SH3RF2: variants seen among roughly 807,000 people sequenced by gnomAD.
SH3RF2 encodes E3 ubiquitin-protein ligase SH3RF2.
In SH3RF2, 43 loss-of-function variants were observed where a neutral mutation model predicts 59.0. That is an observed-to-expected ratio of 0.73 (90% CI 0.57 to 0.94). SH3RF2 has a LOEUF of 0.94. Ranked by LOEUF, SH3RF2 falls within the 40% of genes least tolerant of loss-of-function variation. The pLI, the probability that SH3RF2 is intolerant of heterozygous loss-of-function variation, is 0.00. For synonymous variants in SH3RF2, 391 were observed against 391.5 expected (o/e 1.00, Z 0.01); for missense variants, 930 against 940.1 (o/e 0.99, Z 0.14).
In SH3RF2 at chr5:146,049,197, C is replaced by CCGGG. The variant is rs769137101; in HGVS notation, c.1277_1280dup (p.Val428AlafsTer19). The CCGGG allele has an allele frequency of 2.5e-6, 4 of 1,613,768 alleles. No homozygotes were observed. Among genetic ancestry groups the CCGGG allele is most frequent in the African/African-American group, 2.7e-5 (2 of 74,884 alleles). The stretch of plus-strand genomic sequence containing the variant: ...TGGCTCAGGGGCGTCTCCTTGGTCA[C>CCGGG]CGGGCGAGTCGGCATCTTCCCAAAC... On this transcript the variant is annotated frameshift_variant, in exon 7 of 10. Coordinates refer to ENST00000359120, the MANE Select transcript of SH3RF2 (RefSeq NM_152550.4). LOFTEE classifies it high-confidence loss of function.
chr5:145,997,062 G>A lies in SH3RF2; in HGVS notation c.379-2996G>A, dbSNP rs966585813. 7.2e-5 allele frequency among the ~76,000 whole-genome samples: 11 copies of A among 152,316 alleles called. 1 individual carries two copies. The East Asian group carries it at 1.5e-3, about 21-fold the overall frequency. On this transcript the variant is annotated intron_variant, in intron 2 of 9. Coordinates refer to ENST00000359120, the MANE Select transcript of SH3RF2 (RefSeq NM_152550.4). ...ACATGGCGGTCATCAGGGTTCAGGT[G>A]TACATGTGAAGGTTTGTTACACAGG...
In SH3RF2 at chr5:146,062,988, A is replaced by T. The variant is rs1489655680; in HGVS notation, c.*287A>T. ...GTGCCCACTTTATGCCCCAGCATGGAGTATGTGGCCTCTTGTCATCCCCGT... is the reference window on the plus strand; with the variant it reads ...GTGCCCACTTTATGCCCCAGCATGGTGTATGTGGCCTCTTGTCATCCCCGT... On this transcript the variant is annotated 3_prime_UTR_variant, in exon 10 of 10. Transcript: ENST00000359120. 7 of 446,820 alleles carry T rather than the reference A, an allele frequency of 1.6e-5. No individual in the cohort carries two copies. The highest frequency in any genetic ancestry group is 2.4e-5 in the Non-Finnish European group (6 of 247,974). 27.7% of individuals were successfully genotyped at this position (446,820 alleles called of 1,614,324 possible).
Position 146,056,024 on chromosome 5 carries a change from A to G in SH3RF2, c.1366A>G (p.Thr456Ala), listed in dbSNP as rs751030800. The change falls in exon 8 of 10, where the codon ACC (threonine) becomes GCC (alanine). Residue 456 changes from threonine to alanine, a missense_variant. Transcript: ENST00000359120. ...FPDSRSPGLY[T>A]TWTLSTSSVS... ...AGACTCCCGGAGCCCTGGTCTCTAC[A>G]CCACATGGACGTTATCCACCTCCTC... 8 of 1,614,084 alleles carry G rather than the reference A, an allele frequency of 5.0e-6. No homozygotes were observed. The highest frequency in any genetic ancestry group is 6.8e-6 in the Non-Finnish European group (8 of 1,180,054).
intron 5 of SH3RF2, among the ~76,000 whole-genome samples, chr5:146,020,117 G>T (rs1761258561): frequency 6.6e-6 from 1 of 152,092 alleles, no homozygotes; most frequent in Non-Finnish European, 1.5e-5. Flanking sequence ...GACTGTGCTG[G>T]CTAGGAATTC....
At position 146,077,169 on chromosome 5, in the gene SH3RF2, G is replaced by A. The variant is rs571122110; in HGVS notation, c.*34-1291G>A. On this transcript the variant is annotated intron_variant, in intron 9 of 9. Coordinates refer to the SH3RF2 transcript ENST00000511217. ...GTCATAAAGATCGAACTTCTGTTAT[G>A]TGCAATCAAACCACCTGCCCTCCCC... Among the ~76,000 whole-genome samples, 3 of 152,248 alleles carry A rather than the reference G, an allele frequency of 2.0e-5. No individual in the cohort carries two copies. In the South Asian group the frequency reaches 6.2e-4, roughly 32 times the overall value.
chr5:146,067,790 C>T (rs1370165483), downstream of SH3RF2, among the ~76,000 whole-genome samples: 1 of 144,052 alleles, frequency 6.9e-6, no homozygotes. Flanking sequence ...CCCACACCCA[C>T]ACCCCGGTCC....
chr5:145,991,589 G>A (rs958065827), intron 2 of SH3RF2, among the ~76,000 whole-genome samples: 6 of 151,992 alleles, frequency 3.9e-5, no homozygotes, highest in East Asian at 1.9e-4. Flanking sequence ...GAAGAAAGAG[G>A]GTCTTCTTGT....
At chr5:146,047,178 T>TGTGTGTGTGTGTGTGTGTG (rs1561761124) in intron 5 of SH3RF2, among the ~76,000 whole-genome samples, 7 of 151,964 alleles carry the variant, frequency 4.6e-5, no homozygotes, top group African/African-American at 1.4e-4. Context: ...TGTGTGTGTG[T>TGTGTGTGTGTGTGTGTGTG]TTCTAGCAAT....
chr5:145,961,116 G>T (rs1758613523), intron 2 of SH3RF2, among the ~76,000 whole-genome samples: 2 of 148,522 alleles, frequency 1.3e-5, no homozygotes, highest in Non-Finnish European at 3.0e-5. Context: ...AGGGCAAATT[G>T]ATAACGTTCT....
At chr5:145,983,752 C>T (rs931066592) in intron 2 of SH3RF2, among the ~76,000 whole-genome samples, 1 of 152,178 alleles carries the variant, frequency 6.6e-6, no homozygotes, top group African/African-American at 2.4e-5. Flanking sequence ...GGTGATTATA[C>T]ACTCAGTACA....
chr5:146,010,734 T>G (rs1199030294), intron 4 of SH3RF2, among the ~76,000 whole-genome samples: 1 of 152,220 alleles, frequency 6.6e-6, no homozygotes, highest in African/African-American at 2.4e-5. Flanking sequence ...TTGTTTGTTT[T>G]TTTCTTGTAA....
chr5:146,054,636 AG>A (rs1397300822), intron 7 of SH3RF2, among the ~76,000 whole-genome samples: 1 of 152,246 alleles, frequency 6.6e-6, no homozygotes, highest in Non-Finnish European at 1.5e-5. Context: ...TGCGACCATC[AG>A]TTCCTAGAGC....
At chr5:146,043,188 C>T (rs557170773) in intron 5 of SH3RF2, 3 of 152,494 alleles carry the variant, frequency 2.0e-5, no homozygotes, top group East Asian at 3.9e-4. Flanking sequence ...TCTCTCTTCT[C>T]TGCCTATGTC....
At chr5:145,990,440 G>C (rs1580821555) in intron 2 of SH3RF2, among the ~76,000 whole-genome samples, 1 of 152,188 alleles carries the variant, frequency 6.6e-6, no homozygotes. Context: ...TGTGCTGAGG[G>C]TTTGGGATAT....
At chr5:146,056,746 C>G (rs1460648366) in intron 8 of SH3RF2, among the ~76,000 whole-genome samples, 1 of 152,198 alleles carries the variant, frequency 6.6e-6, no homozygotes, top group South Asian at 2.1e-4. Context: ...GCAAATCTCC[C>G]TCATATCCTT....
At chr5:146,028,390 C>T (rs1041535611) in intron 5 of SH3RF2, among the ~76,000 whole-genome samples, 15 of 152,212 alleles carry the variant, frequency 9.9e-5, no homozygotes, top group African/African-American at 3.4e-4. Flanking sequence ...CTTGCAAGAC[C>T]TCAGTTTCAC....
chr5:146,047,674 C>A, intron 5 of SH3RF2, 98 bp from the exon 6 acceptor site: 1 of 1,131,558 alleles, frequency 8.8e-7, no homozygotes, highest in East Asian at 2.5e-5. Flanking sequence ...TGTTGGTTTT[C>A]AGCTGTGTCA....
intron 4 of SH3RF2, among the ~76,000 whole-genome samples, chr5:146,005,041 A>C (rs888920832): frequency 1.3e-5 from 2 of 152,182 alleles, no homozygotes; most frequent in East Asian, 1.9e-4. Flanking sequence ...AAATGTTAAC[A>C]TTTTGTGATA....
intron 5 of SH3RF2, chr5:146,043,705 C>T (rs929824429): frequency 5.3e-5 from 8 of 152,140 alleles, no homozygotes; most frequent in Non-Finnish European, 1.0e-4. Context: ...ATTTTTAAAA[C>T]ATTTTATATA....
Sources: gnomAD v4.1 joint callset for allele counts (sites outside exome capture counted in the v4.1 genomes callset) on GRCh38, gnomAD v4.1.1 for gene constraint, MANE v1.5 for transcripts, NCBI Gene and HGNC (gene_info 2026-07-23, HGNC 2026-07-21) for gene names.